PPP1R21: variants seen among roughly 807,000 people sequenced by gnomAD.
The protein encoded by PPP1R21 is KLRAQ motif containing 1.
Under a neutral mutation model 112.8 loss-of-function variants are expected in PPP1R21, and 85 were observed. The observed-to-expected ratio is 0.75, with a 90% confidence interval of 0.63 to 0.90. The LOEUF (loss-of-function observed/expected upper bound fraction) is 0.90, where lower values mean the gene tolerates loss of function less well. Ranked by LOEUF, PPP1R21 falls within the 40% of genes least tolerant of loss-of-function variation. PPP1R21 has a pLI of 0.00. For missense variants in PPP1R21, 1,199 were observed against 901.5 expected (o/e 1.33, Z -4.23); for synonymous variants, 381 against 322.3 (o/e 1.18, Z -1.95).
chr2:48,477,667 CTTTT>C (rs545161997), intron 12 of PPP1R21, among the ~76,000 whole-genome samples: 1 of 139,786 alleles, frequency 7.2e-6, no homozygotes, highest in East Asian at 2.1e-4. Flanking sequence ...AGCCCTCCTA[CTTTT>C]TTTTTTTTTT....
chr2:48,454,767 T>C lies in PPP1R21; in HGVS notation c.273+26T>C, dbSNP rs762231816. ...GTAGGTTCAAATACAGGCAAGTTAGTGTGACCTTGTCGTTAGTTACTGACA... is the reference window on the plus strand; with the variant it reads ...GTAGGTTCAAATACAGGCAAGTTAGCGTGACCTTGTCGTTAGTTACTGACA... On this transcript the variant is annotated intron_variant, in intron 3 of 21. Transcript: ENST00000294952. The C allele has an allele frequency of 3.8e-6, 6 of 1,589,138 alleles. No homozygotes were observed. The East Asian group carries it at 1.1e-4, about 30-fold the overall frequency.
chr2:48,488,206 C>T (rs891483376), intron 14 of PPP1R21, among the ~76,000 whole-genome samples: 1 of 152,086 alleles, frequency 6.6e-6, no homozygotes, highest in Non-Finnish European at 1.5e-5. Flanking sequence ...GATCTATGTG[C>T]AAAGGATTCC....
At chr2:48,443,624 TTTTCATTC>T (rs1667126974) in intron 1 of PPP1R21, among the ~76,000 whole-genome samples, 1 of 152,162 alleles carries the variant, frequency 6.6e-6, no homozygotes. Context: ...ACCAGGCCAT[TTTTCATTC>T]TTTTAATTGC....
At chr2:48,465,426 CTCAA>C in intron 8 of PPP1R21, 63 bp from the exon 9 acceptor site, 1 of 1,407,954 alleles carries the variant, frequency 7.1e-7, no homozygotes, top group Non-Finnish European at 9.7e-7. Context: ...CCAGATCAGA[CTCAA>C]TAAAGTTCTT....
In PPP1R21 at chr2:48,486,633, A is replaced by T; in HGVS notation, c.1321A>T (p.Ile441Phe). 6.2e-7 allele frequency: 1 copy of T among 1,608,196 alleles called. No individual in the cohort carries two copies. The highest frequency in any genetic ancestry group is 8.5e-7 in the Non-Finnish European group (1 of 1,175,096). ...TTTTCATGTAATTGCTTTTATAGAT[A>T]TTTCCAAACATTATAGTCAAAAAGC... ...LHGFHDVMKD[I>F]SKHYSQKAAI... The change falls in exon 14 of 22, where the codon ATT becomes TTT. Residue 441 changes from isoleucine to phenylalanine, a missense_variant and splice_region_variant. Coordinates refer to ENST00000294952, the MANE Select transcript of PPP1R21 (RefSeq NM_001135629.3).
chr2:48,481,358 G>T (rs1669002687), intron 13 of PPP1R21, among the ~76,000 whole-genome samples: 1 of 152,208 alleles, frequency 6.6e-6, no homozygotes, highest in African/African-American at 2.4e-5. Flanking sequence ...TCACAACTTG[G>T]ATAGGCAGTA....
chr2:48,441,186 T>G (rs1292298032), intron 1 of PPP1R21, 176 bp downstream of exon 1: 5 of 625,030 alleles, frequency 8.0e-6, no homozygotes, highest in Middle Eastern at 3.8e-4. Flanking sequence ...TCCCAGGAGA[T>G]GGGGCCGGGC....
chr2:48,477,360 A>G (rs1304165524), intron 12 of PPP1R21, among the ~76,000 whole-genome samples: 1 of 152,026 alleles, frequency 6.6e-6, no homozygotes, highest in Admixed American at 6.6e-5. Flanking sequence ...GCCTCAGGTG[A>G]TCTGCCCATC....
At chr2:48,456,136 T>G (rs1322087976) in intron 3 of PPP1R21, among the ~76,000 whole-genome samples, 1 of 152,064 alleles carries the variant, frequency 6.6e-6, no homozygotes, top group African/African-American at 2.4e-5. Context: ...GTTCTTGTCT[T>G]GAGATTTAGA....
intron 17 of PPP1R21, chr2:48,501,844 A>G (rs1471142867): frequency 6.6e-6 from 1 of 151,880 alleles, no homozygotes; most frequent in African/African-American, 2.4e-5. Flanking sequence ...AGATAAACTC[A>G]TTTGCTTACT....
At chr2:48,510,927 T>G (rs1210665929) in intron 20 of PPP1R21, among the ~76,000 whole-genome samples, 2 of 152,224 alleles carry the variant, frequency 1.3e-5, no homozygotes, top group Non-Finnish European at 2.9e-5. Flanking sequence ...TGAGAAAAAC[T>G]TGTTGCCATT....
In PPP1R21 at chr2:48,441,065, C is replaced by G. The variant is rs182338925; in HGVS notation, c.57+55C>G. 3.3e-4 allele frequency: 442 copies of G among 1,329,640 alleles called. 3 individuals are homozygous for G. The African/African-American group carries it at 5.5e-3, about 17-fold the overall frequency. 82.4% of individuals were successfully genotyped at this position (1,329,640 alleles called of 1,614,324 possible). The stretch of plus-strand genomic sequence containing the variant: ...CCCCCGCCCTGCGGCCTCAGGTTGC[C>G]GTGGCAGCGACTTGTCGGGACCTAG... On this transcript the variant is annotated intron_variant, in intron 1 of 21. Coordinates refer to ENST00000294952, the MANE Select transcript of PPP1R21 (RefSeq NM_001135629.3).
chr2:48,470,990 A>G, intron 9 of PPP1R21, 97 bp from the exon 10 acceptor site: 1 of 832,176 alleles, frequency 1.2e-6, no homozygotes, highest in Non-Finnish European at 2.0e-6. Context: ...TATCAGGTTT[A>G]CAATTTAGGT....
chr2:48,473,229 A>G (rs1019118587), intron 11 of PPP1R21, among the ~76,000 whole-genome samples: 5 of 151,386 alleles, frequency 3.3e-5, no homozygotes, highest in Admixed American at 6.6e-5. Flanking sequence ...TCAGATAATT[A>G]TGGCTTAAAC....
chr2:48,514,655 C>A, intron 21 of PPP1R21, 60 bp from the exon 22 acceptor site: 1 of 1,268,554 alleles, frequency 7.9e-7, no homozygotes, highest in Non-Finnish European at 1.2e-6. Context: ...GGTTTATAAA[C>A]TATGTGAGTT....
chr2:48,471,516 C>T (rs1668495176), intron 11 of PPP1R21, 149 bp downstream of exon 11: 1 of 719,048 alleles, frequency 1.4e-6, no homozygotes, highest in African/African-American at 1.8e-5. Context: ...AAAGGAAAAG[C>T]ATGGTTGAGC....
At chr2:48,445,554 A>G (rs541734951) in intron 1 of PPP1R21, among the ~76,000 whole-genome samples, 20 of 152,250 alleles carry the variant, frequency 1.3e-4, no homozygotes, top group African/African-American at 4.3e-4. Context: ...AGGTAAAACT[A>G]TTGCAGCTGT....
Position 48,511,334 on chromosome 2 carries a change from A to G in PPP1R21, c.2185-6A>G, listed in dbSNP as rs759896041. On this transcript the variant is annotated splice_polypyrimidine_tract_variant and splice_region_variant and intron_variant, in intron 20 of 21. Coordinates refer to ENST00000294952, the MANE Select transcript of PPP1R21 (RefSeq NM_001135629.3). ...GTTGATTTTTGTCTTTTTCTTTGCTATTTAGGATGAGCTGACAACTACCAA... is the reference window on the plus strand; with the variant it reads ...GTTGATTTTTGTCTTTTTCTTTGCTGTTTAGGATGAGCTGACAACTACCAA... 8.6e-5 allele frequency: 138 copies of G among 1,609,244 alleles called. No homozygotes were observed. The highest frequency in any genetic ancestry group is 1.5e-4 in the Admixed American group (9 of 58,422).
chr2:48,500,845 G>T (rs1229665747), intron 17 of PPP1R21, among the ~76,000 whole-genome samples: 1 of 152,076 alleles, frequency 6.6e-6, no homozygotes, highest in Non-Finnish European at 1.5e-5. Context: ...GGAGGCGGAG[G>T]TCGCAGTGAG....
Sources: allele counts gnomAD v4.1 joint callset (sites outside exome capture counted in the v4.1 genomes callset), GRCh38; gene constraint gnomAD v4.1.1; transcripts MANE v1.5; gene names NCBI Gene and HGNC (gene_info 2026-07-23, HGNC 2026-07-21).